Variants in ARHGAP15 observed in about 807,000 individuals in gnomAD.
ARHGAP15 encodes the protein rho GTPase-activating protein 15.
A neutral mutation model predicts 63.7 loss-of-function variants in ARHGAP15; 51 were observed. The ratio of observed to expected loss-of-function variants is 0.80; its 90% confidence interval spans 0.64 to 1.01. The LOEUF is 1.01. Among genes scored for constraint, ARHGAP15 ranks in the 50% least tolerant of loss-of-function variants. The pLI, the probability that ARHGAP15 is intolerant of heterozygous loss-of-function variation, is 0.00. For synonymous variants in ARHGAP15, 191 were observed against 193.8 expected, an observed-to-expected ratio of 0.99 and a Z score of 0.12; for missense variants, 560 against 564.6, an observed-to-expected ratio of 0.99 and a Z score of 0.08.
chr2:143,498,653 A>T (rs1189440138), intron 9 of ARHGAP15, among the ~76,000 whole-genome samples: 1 of 150,986 alleles, frequency 6.6e-6, no homozygotes, highest in African/African-American at 2.4e-5. Flanking sequence ...AACACCATTC[A>T]CTCCCCCTCA....
intron 8 of ARHGAP15, among the ~76,000 whole-genome samples, chr2:143,483,365 C>T (rs1376411791): frequency 1.3e-5 from 2 of 152,096 alleles, no homozygotes; most frequent in African/African-American, 4.8e-5. Flanking sequence ...ATCGTTTTTA[C>T]TAGTTCCAAA....
At chr2:143,381,260 AGAT>A (rs776094240) in intron 6 of ARHGAP15, among the ~76,000 whole-genome samples, 3 of 152,102 alleles carry the variant, frequency 2.0e-5, no homozygotes, top group Non-Finnish European at 4.4e-5. Flanking sequence ...TATTCTCCCC[AGAT>A]GATTATATTT....
chr2:143,460,316 C>T (rs896133918), intron 8 of ARHGAP15, among the ~76,000 whole-genome samples: 10 of 152,094 alleles, frequency 6.6e-5, no homozygotes, highest in African/African-American at 1.9e-4. Flanking sequence ...TTTGCTCACA[C>T]GAATTTTTTT....
rs202225400 is a variant in ARHGAP15 at position 143,624,097 on chromosome 2, A to T, written c.1004-36A>T. 5 of 1,608,508 alleles carry T rather than the reference A, an allele frequency of 3.1e-6. No homozygotes were observed. The African/African-American group carries it at 5.3e-5, about 17-fold the overall frequency. On this transcript the variant is annotated intron_variant, in intron 11 of 13. Transcript: ENST00000295095. Reference sequence around the variant, plus strand: ...TTAGTGTCTTGTAATTGTTTCATTAAAACCAGTTGTTCCATTTCTCCTCGT... The same window carrying T: ...TTAGTGTCTTGTAATTGTTTCATTATAACCAGTTGTTCCATTTCTCCTCGT...
intron 6 of ARHGAP15, among the ~76,000 whole-genome samples, chr2:143,306,950 G>T (rs189507917): frequency 5.3e-5 from 8 of 152,216 alleles, no homozygotes; most frequent in African/African-American, 1.9e-4. Flanking sequence ...TCTGCTCAGG[G>T]TCTCACGAAG....
At chr2:143,418,534 T>C (rs866294633) in intron 6 of ARHGAP15, among the ~76,000 whole-genome samples, 1 of 152,288 alleles carries the variant, frequency 6.6e-6, no homozygotes, top group South Asian at 2.1e-4. Context: ...TACAATCTTA[T>C]CAAATTCCCA....
At chr2:143,149,585 A>AT (rs1202546912) in intron 1 of ARHGAP15, among the ~76,000 whole-genome samples, 3 of 152,002 alleles carry the variant, frequency 2.0e-5, no homozygotes, top group Non-Finnish European at 4.4e-5. Context: ...GAAATATGAT[A>AT]TTTTTAACCC....
At chr2:143,255,961 T>G (rs1248718623) in intron 6 of ARHGAP15, among the ~76,000 whole-genome samples, 1 of 152,130 alleles carries the variant, frequency 6.6e-6, no homozygotes, top group African/African-American at 2.4e-5. Context: ...CATCCAACAT[T>G]CAGGAGGTGC....
At chr2:143,372,082 G>C (rs1476380921) in intron 6 of ARHGAP15, among the ~76,000 whole-genome samples, 1 of 151,916 alleles carries the variant, frequency 6.6e-6, no homozygotes, top group Non-Finnish European at 1.5e-5. Flanking sequence ...ACTCACACCT[G>C]TAATCACAGC....
At chr2:143,323,179 A>G (rs1015932484) in intron 6 of ARHGAP15, among the ~76,000 whole-genome samples, 1 of 152,176 alleles carries the variant, frequency 6.6e-6, no homozygotes, top group African/African-American at 2.4e-5. Context: ...AGAGTGTTTC[A>G]CAGATTGAGA....
intron 6 of ARHGAP15, among the ~76,000 whole-genome samples, chr2:143,391,909 C>T (rs1186781773): frequency 1.3e-5 from 2 of 152,166 alleles, no homozygotes; most frequent in South Asian, 2.1e-4. Context: ...TCATTGGAAC[C>T]TGGGAAAGGT....
At chr2:143,742,820 C>T (rs535880984) in intron 13 of ARHGAP15, among the ~76,000 whole-genome samples, 140 of 152,342 alleles carry the variant, frequency 9.2e-4, no homozygotes, top group African/African-American at 3.2e-3. Context: ...GTGTGGGAAG[C>T]CCATGCAGCT....
chr2:143,336,031 C>T (rs1041967950), intron 6 of ARHGAP15, among the ~76,000 whole-genome samples: 21 of 152,000 alleles, frequency 1.4e-4, no homozygotes, highest in African/African-American at 5.1e-4. Context: ...ACACGGTTCT[C>T]ACCATGTCAC....
At chr2:143,419,234 A>T (rs539552168) in intron 6 of ARHGAP15, among the ~76,000 whole-genome samples, 22 of 152,242 alleles carry the variant, frequency 1.4e-4, no homozygotes, top group African/African-American at 5.3e-4. Flanking sequence ...CAAAGTATAT[A>T]ATGTGTTACT....
chr2:143,425,479 T>C (rs981425159), intron 6 of ARHGAP15, among the ~76,000 whole-genome samples: 8 of 152,016 alleles, frequency 5.3e-5, no homozygotes, highest in East Asian at 1.9e-4. Context: ...CTATATATCA[T>C]ATATAGTGAT....
chr2:143,268,127 C>T (rs369882126), intron 6 of ARHGAP15, among the ~76,000 whole-genome samples: 2 of 151,076 alleles, frequency 1.3e-5, no homozygotes, highest in East Asian at 1.9e-4. Flanking sequence ...GATTGCAATT[C>T]AACTCTATGT....
chr2:143,632,772 T>C (rs193243276), intron 12 of ARHGAP15, among the ~76,000 whole-genome samples: 8 of 152,268 alleles, frequency 5.3e-5, no homozygotes, highest in Admixed American at 3.3e-4. Flanking sequence ...ATACTCTCAA[T>C]AGGTAATTGT....
intron 6 of ARHGAP15, among the ~76,000 whole-genome samples, chr2:143,253,884 A>C (rs1680290981): frequency 6.6e-6 from 1 of 152,086 alleles, no homozygotes; most frequent in African/African-American, 2.4e-5. Flanking sequence ...CACATTTATA[A>C]AAGATCATAC....
chr2:143,565,698 A>G (rs776768289), intron 11 of ARHGAP15, among the ~76,000 whole-genome samples: 1 of 152,218 alleles, frequency 6.6e-6, no homozygotes, highest in Non-Finnish European at 1.5e-5. Context: ...TTGAGGCGAG[A>G]TAACTTACTG....
Sources: allele counts gnomAD v4.1 joint callset (sites outside exome capture counted in the v4.1 genomes callset), GRCh38; gene constraint gnomAD v4.1.1; transcripts MANE v1.5; gene names NCBI Gene and HGNC (gene_info 2026-07-23, HGNC 2026-07-21).